ARAP1: variants seen among roughly 807,000 people sequenced by gnomAD.
ARAP1 encodes the protein ArfGAP with RhoGAP domain, ankyrin repeat and PH domain 1, also known as arf-GAP with Rho-GAP domain, ANK repeat and PH domain-containing protein 1.
A neutral mutation model predicts 172.2 loss-of-function variants in ARAP1; 76 were observed. That is an observed-to-expected ratio of 0.44 (90% confidence interval 0.37 to 0.53). The LOEUF (loss-of-function observed/expected upper bound fraction) is 0.53, where lower values mean the gene tolerates loss of function less well. Among genes scored for constraint, ARAP1 ranks in the 20% least tolerant of loss-of-function variants. ARAP1 has a pLI of 0.00. For missense variants in ARAP1, 1,686 were observed against 1,977.5 expected (o/e 0.85, Z 2.80); for synonymous variants, 804 against 803.3 (o/e 1.00, Z -0.01).
chr11:72,695,680 C>T lies in ARAP1; in HGVS notation c.3420+38G>A. On this transcript the variant is annotated intron_variant, in intron 24 of 34. Transcript: ENST00000393609. This position sits in a 1 kb window ranked among gnomAD's most constrained non-coding sequence, Gnocchi z 4.4. ...GGTGGTCACCGTCATCTGCAAGGAT[C>T]ACCCCTGCCCTCCACTGCCCACTGG... 1 of 1,614,072 alleles carries T rather than the reference C, an allele frequency of 6.2e-7. No homozygotes were observed. Among genetic ancestry groups the T allele is most frequent in the Non-Finnish European group, 8.5e-7 (1 of 1,179,970 alleles).
chr11:72,732,281 T>C (rs1311217821), intron 2 of ARAP1, among the ~76,000 whole-genome samples: 1 of 152,232 alleles, frequency 6.6e-6, no homozygotes, highest in Non-Finnish European at 1.5e-5. Flanking sequence ...TTCAGCCTGC[T>C]GGCCCCTGCC....
intron 30 of ARAP1, 40 bp downstream of exon 30, chr11:72,692,713 G>A: frequency 4.3e-6 from 7 of 1,613,312 alleles, no homozygotes; most frequent in East Asian, 2.2e-5. Flanking sequence ...TGGCCCCCAG[G>A]TGGTGTAAGG....
intron 3 of ARAP1, among the ~76,000 whole-genome samples, chr11:72,722,859 G>A (rs555707373): frequency 2.0e-5 from 3 of 152,284 alleles, no homozygotes; most frequent in African/African-American, 7.2e-5. Flanking sequence ...AGTTCACAGG[G>A]CTCATGTCTG....
At position 72,697,026 on chromosome 11, in the gene ARAP1, C is replaced by A; in HGVS notation, c.3123G>T (p.Gly1041=). The change falls in exon 22 of 35, where the codon GGG becomes GGT. Residue 1041 remains glycine (G), a synonymous_variant. Coordinates refer to ENST00000393609, the MANE Select transcript of ARAP1 (RefSeq NM_001040118.3). ...LKRFLRDLPD[G]LFTRAQRLTW... is the part of the protein sequence containing the mutation. Reference sequence around the variant, plus strand: ...TTAGGCGCTGGGCGCGAGTGAAGAGCCCATCAGGCAGGTCGCGCAGGAAGC... The same window carrying A: ...TTAGGCGCTGGGCGCGAGTGAAGAGACCATCAGGCAGGTCGCGCAGGAAGC... 1.9e-6 allele frequency: 3 copies of A among 1,609,472 alleles called. No individual in the cohort carries two copies. Among genetic ancestry groups the A allele is most frequent in the Non-Finnish European group, 2.5e-6 (3 of 1,179,936 alleles).
At position 72,699,456 on chromosome 11, in the gene ARAP1, T is replaced by A. The variant is rs1188489244; in HGVS notation, c.2399A>T (p.Glu800Val). Residue 800 changes from glutamate to valine, a missense_variant, in exon 17 of 35, where the codon GAG (glutamate) becomes GTG (valine). Glu to Val is a moderately radical substitution (Grantham distance 121). Coordinates refer to ENST00000393609, the MANE Select transcript of ARAP1 (RefSeq NM_001040118.3). The surrounding 1 kb of genome is among the most constrained non-coding windows in gnomAD (Gnocchi z 4.2). The stretch of plus-strand genomic sequence containing the variant: ...AGGGGGCACTGCCAGGCACACAATC[T>A]CGCTGGCCCGAATCTCTCCATTGGG... ...VTPNGEIRAS[E>V]IVCLAVPPPD... 2 of 1,613,930 alleles carry A rather than the reference T, an allele frequency of 1.2e-6. No individual in the cohort carries two copies. Among genetic ancestry groups the A allele is most frequent in the Non-Finnish European group, 1.7e-6 (2 of 1,180,004 alleles).
chr11:72,744,495 A>G (rs575780840), intron 1 of ARAP1, among the ~76,000 whole-genome samples: 2 of 151,984 alleles, frequency 1.3e-5, no homozygotes, highest in East Asian at 3.9e-4. Context: ...ACACAACCCA[A>G]CCACCTGCTC....
chr11:72,743,980 C>G (rs2065043220), intron 1 of ARAP1, among the ~76,000 whole-genome samples: 1 of 152,134 alleles, frequency 6.6e-6, no homozygotes, highest in Admixed American at 6.5e-5. Context: ...CTCATTTCCT[C>G]CACTCTCACG....
In ARAP1 at chr11:72,693,202, A is replaced by G; in HGVS notation, c.3954+123T>C. 7.1e-7 allele frequency: 1 copy of G among 1,399,654 alleles called. No individual in the cohort carries two copies. 86.7% of individuals were successfully genotyped at this position (1,399,654 alleles called of 1,614,324 possible). A position where few individuals can be genotyped will look rare whatever the true frequency, so the allele number is the denominator to read the frequency against. On this transcript the variant is annotated intron_variant, in intron 29 of 34. Coordinates refer to ENST00000393609, the MANE Select transcript of ARAP1 (RefSeq NM_001040118.3). The surrounding 1 kb of genome is among the most constrained non-coding windows in gnomAD (Gnocchi z 4.6). ...TCTTGAGAGTCTACAGTTCTCCCCCACTGCTGTGCCATCCTGAGAGCCTGT... is the reference window on the plus strand; with the variant it reads ...TCTTGAGAGTCTACAGTTCTCCCCCGCTGCTGTGCCATCCTGAGAGCCTGT...
intron 1 of ARAP1, among the ~76,000 whole-genome samples, chr11:72,744,186 G>A (rs1455740412): frequency 6.6e-6 from 1 of 152,046 alleles, no homozygotes; most frequent in Non-Finnish European, 1.5e-5. Flanking sequence ...GACTGTGTCT[G>A]TCACATACAT....
At chr11:72,704,075 G>A (rs1057036905) in intron 14 of ARAP1, 77 bp downstream of exon 14, 1 of 1,581,788 alleles carries the variant, frequency 6.3e-7, no homozygotes. Flanking sequence ...GATGAGATGG[G>A]TTAAGACAGC....
rs758305004 is a variant in ARAP1, at chr11:72,701,765, G to A, written c.2186C>T (p.Ser729Leu). ...GTAGTGCTTTTCCAGGGGCTTCATCGAGTCCAGCCGAGGCACCTCTTTGTA... is the reference window on the plus strand; with the variant it reads ...GTAGTGCTTTTCCAGGGGCTTCATCAAGTCCAGCCGAGGCACCTCTTTGTA... Reference protein sequence around the residue: ...NRTTEVPRLDSMKPLEKHYSV... With the variant: ...NRTTEVPRLDLMKPLEKHYSV... The change falls in exon 16 of 35, where the codon TCG (serine) becomes TTG (leucine). Residue 729 changes from serine (S) to leucine (L), a missense_variant. This residue lies in a region of ARAP1 where 688 missense variants were observed against 856.9 expected (regional missense o/e 0.80). Coordinates refer to ENST00000393609, the MANE Select transcript of ARAP1 (RefSeq NM_001040118.3). The A allele has an allele frequency of 5.0e-6, 8 of 1,613,590 alleles. No homozygotes were observed. The highest frequency in any genetic ancestry group is 5.1e-6 in the Non-Finnish European group (6 of 1,179,758).
At chr11:72,711,574 A>G in intron 7 of ARAP1, 75 bp from the exon 8 acceptor site, 1 of 1,283,754 alleles carries the variant, frequency 7.8e-7, no homozygotes, top group Non-Finnish European at 1.1e-6. Context: ...CAGCCCTCAG[A>G]AGCCACACTC....
At chr11:72,716,552 G>A (rs1415461922) in intron 3 of ARAP1, among the ~76,000 whole-genome samples, 5 of 152,270 alleles carry the variant, frequency 3.3e-5, no homozygotes, top group East Asian at 1.9e-4. Context: ...TAGAGAAACC[G>A]GAGCTTTGAG....
In ARAP1 at chr11:72,726,906, G is replaced by T; in HGVS notation, c.223C>A (p.Pro75Thr). The change falls in exon 3 of 35, where the codon CCC (proline) becomes ACC (threonine). Residue 75 changes from proline to threonine, a missense_variant. Physicochemically the swap from Pro to Thr is conservative, Grantham distance 38 (BLOSUM62 -1). Transcript: ENST00000393609. This position sits in a 1 kb window ranked among gnomAD's most constrained non-coding sequence, Gnocchi z 6.5. The part of the protein sequence containing the change: ...LRAHTSPAPA[P>T]RPTPRPVPMK... Reference sequence around the variant, plus strand: ...GGCACAGGCCGTGGGGTGGGGCGGGGTGCAGGGGCCGGTGAGGTATGGGCA... The same window carrying T: ...GGCACAGGCCGTGGGGTGGGGCGGGTTGCAGGGGCCGGTGAGGTATGGGCA... The T allele has an allele frequency of 6.3e-7, 1 of 1,586,772 alleles. No individual in the cohort carries two copies. Among genetic ancestry groups the T allele is most frequent in the Non-Finnish European group, 8.6e-7 (1 of 1,166,646 alleles).
Position 72,709,806 on chromosome 11 carries a change from C to T in ARAP1, c.1523+64G>A, listed in dbSNP as rs908703815. On this transcript the variant is annotated intron_variant, in intron 11 of 34. Transcript: ENST00000393609. ...CATAGGAAGGGGCAGCTTCCCACGTCGCGCAAAAGGAAAACATTAGGAAGG... is the reference window on the plus strand; with the variant it reads ...CATAGGAAGGGGCAGCTTCCCACGTTGCGCAAAAGGAAAACATTAGGAAGG... 1.6e-4 allele frequency: 242 copies of T among 1,556,724 alleles called. 1 individual carries two copies. In the African/African-American group the frequency reaches 2.3e-3, roughly 15 times the overall value.
chr11:72,696,022 T>C (rs1054867061), intron 23 of ARAP1, among the ~76,000 whole-genome samples, 157 bp from the exon 24 acceptor site: 6 of 152,134 alleles, frequency 3.9e-5, no homozygotes, highest in African/African-American at 1.4e-4. Flanking sequence ...TGGGTCCTGG[T>C]AGGAGCAGGA....
At chr11:72,719,695 C>T (rs887986319) in intron 3 of ARAP1, among the ~76,000 whole-genome samples, 4 of 152,104 alleles carry the variant, frequency 2.6e-5, no homozygotes, top group African/African-American at 7.2e-5. Flanking sequence ...AATCTCTGGC[C>T]GAAAGAACCA....
At chr11:72,729,110 C>A (rs572792658) in intron 2 of ARAP1, among the ~76,000 whole-genome samples, 1 of 152,220 alleles carries the variant, frequency 6.6e-6, no homozygotes, top group African/African-American at 2.4e-5. Flanking sequence ...ACAGAAAGTT[C>A]AAAAGTAGAC....
intron 27 of ARAP1, among the ~76,000 whole-genome samples, chr11:72,694,286 A>AG: frequency 6.6e-6 from 1 of 151,816 alleles, no homozygotes; most frequent in South Asian, 2.1e-4. Context: ...AGCGAGTAGC[A>AG]ATCTTCTTAA....
Sources: allele counts gnomAD v4.1 joint callset (sites outside exome capture counted in the v4.1 genomes callset), GRCh38; gene constraint gnomAD v4.1.1; regional missense constraint gnomAD v4.1.1; non-coding constraint Gnocchi (gnomAD v3.1); transcripts MANE v1.5; gene names NCBI Gene and HGNC (gene_info 2026-07-23, HGNC 2026-07-21).